Variants in MYOM2 observed in about 807,000 individuals in gnomAD.
MYOM2 encodes myomesin 2, also known as myomesin-2.
In MYOM2, 254 loss-of-function variants were observed where a neutral mutation model predicts 187.6. The observed-to-expected ratio is 1.35, with a 90% CI of 1.22 to 1.50. MYOM2 has a LOEUF of 1.50. Ranked by LOEUF, MYOM2 falls within the 40% of genes most tolerant of loss-of-function variation. MYOM2 has a pLI of 0.00. For synonymous variants in MYOM2, 981 were observed against 753.8 expected (o/e 1.30, Z -4.94); for missense variants, 2,796 against 1,924.0 (o/e 1.45, Z -8.48).
At chr8:2,099,563 C>T (rs1024776441) in intron 19 of MYOM2, among the ~76,000 whole-genome samples, 2 of 152,106 alleles carry the variant, frequency 1.3e-5, no homozygotes, top group Non-Finnish European at 2.9e-5. Context: ...TTGTTGCAGA[C>T]CTGCATTTAT....
Position 2,059,202 on chromosome 8 carries a change from A to G in MYOM2, c.610A>G (p.Arg204Gly). Residue 204 changes from arginine to glycine, a missense_variant, in exon 6 of 37, where the codon AGG (arginine) becomes GGG (glycine). Physicochemically the swap from Arg to Gly is moderately radical, Grantham distance 125. Transcript: ENST00000262113. ...CCAGGCGGCTGAACCGGGAAAGTAC[A>G]GGATTGAGAGCAACTATGGCGTACA... ...ICQAAEPGKYRIESNYGVHTL... is the reference protein window; with the variant it reads ...ICQAAEPGKYGIESNYGVHTL... 1 of 1,614,236 alleles carries G rather than the reference A, an allele frequency of 6.2e-7. No homozygotes were observed. Among genetic ancestry groups the G allele is most frequent in the Non-Finnish European group, 8.5e-7 (1 of 1,180,032 alleles).
intron 3 of MYOM2, among the ~76,000 whole-genome samples, chr8:2,055,870 C>T (rs1818647697): frequency 1.3e-5 from 2 of 152,146 alleles, no homozygotes; most frequent in Non-Finnish European, 2.9e-5. Flanking sequence ...GATACCGGGA[C>T]TTTCTGTGCG....
chr8:2,064,517 C>T (rs375492463), intron 6 of MYOM2, among the ~76,000 whole-genome samples: 13 of 57,160 alleles, frequency 2.3e-4, no homozygotes, highest in Non-Finnish European at 8.0e-5. Context: ...GCGCTCTCTT[C>T]GGAGAGCCCA....
intron 13 of MYOM2, among the ~76,000 whole-genome samples, chr8:2,084,292 C>T (rs10113500): frequency 0.26 from 39,763 of 152,064 alleles, 6,317 homozygotes; most frequent in South Asian, 0.35. Context: ...GCTCAGCCTG[C>T]GTTGCCTCTG....
chr8:2,079,937 A>T (rs1819564785), intron 13 of MYOM2, among the ~76,000 whole-genome samples: 1 of 152,196 alleles, frequency 6.6e-6, no homozygotes, highest in African/African-American at 2.4e-5. Context: ...TTCCTGGGTG[A>T]TGTAAGATCC....
intron 32 of MYOM2, among the ~76,000 whole-genome samples, 187 bp downstream of exon 32, chr8:2,129,419 G>A (rs561624622): frequency 1.3e-5 from 2 of 152,270 alleles, no homozygotes; most frequent in Non-Finnish European, 2.9e-5. Flanking sequence ...GGGAGGACGT[G>A]GAAGAAGGAG....
intron 25 of MYOM2, among the ~76,000 whole-genome samples, chr8:2,114,086 A>G (rs1357274554): frequency 6.6e-6 from 1 of 152,200 alleles, no homozygotes; most frequent in African/African-American, 2.4e-5. Context: ...GCATCAGGGA[A>G]GTCTCCCTTG....
At chr8:2,079,766 C>A (rs562831711) in intron 13 of MYOM2, among the ~76,000 whole-genome samples, 153 bp downstream of exon 13, 1 of 152,064 alleles carries the variant, frequency 6.6e-6, no homozygotes, top group East Asian at 1.9e-4. Context: ...GCCCAGTGTC[C>A]ATAGAAGTTA....
intron 3 of MYOM2, among the ~76,000 whole-genome samples, chr8:2,053,591 T>C (rs1818561358): frequency 6.6e-6 from 1 of 152,254 alleles, no homozygotes; most frequent in African/African-American, 2.4e-5. Flanking sequence ...CAGCAATGAC[T>C]TTCAAGACAG....
At chr8:2,063,089 G>C (rs1585836226) in intron 6 of MYOM2, among the ~76,000 whole-genome samples, 1 of 152,282 alleles carries the variant, frequency 6.6e-6, no homozygotes, top group East Asian at 1.9e-4. Context: ...AAACTTCCAA[G>C]ACCACCTTTT....
At position 2,140,722 on chromosome 8, in the gene MYOM2, G is replaced by T. The variant is rs1798243665; in HGVS notation, c.3801-1G>T. 4 of 1,613,362 alleles carry T rather than the reference G, an allele frequency of 2.5e-6. No individual in the cohort carries two copies. In the East Asian group the frequency reaches 8.9e-5, roughly 36 times the overall value. On this transcript the variant is annotated splice_acceptor_variant, in intron 32 of 36. Coordinates refer to ENST00000262113, the MANE Select transcript of MYOM2 (RefSeq NM_003970.4). LOFTEE classifies it high-confidence loss of function. ...GATACGTTCCTGTTGCTCTTTTCAA[G>T]AGATGCTAAGATCTCATCCAGTGAG...
intron 14 of MYOM2, among the ~76,000 whole-genome samples, chr8:2,089,159 A>C (rs1464303088): frequency 7.5e-6 from 1 of 133,640 alleles, no homozygotes; most frequent in Non-Finnish European, 1.7e-5. Flanking sequence ...TCCAACTTTT[A>C]CTACCACAAA....
intron 11 of MYOM2, 92 bp downstream of exon 11, chr8:2,076,374 G>T: frequency 1.4e-6 from 2 of 1,473,314 alleles, no homozygotes; most frequent in Middle Eastern, 2.3e-4. Context: ...AATGCAGGTT[G>T]ACGTTCCCAT....
At position 2,073,427 on chromosome 8, in the gene MYOM2, C is replaced by A. The variant is rs144735881; in HGVS notation, c.1047C>A (p.Asp349Glu). 1 of 1,612,786 alleles carries A rather than the reference C, an allele frequency of 6.2e-7. No homozygotes were observed. The highest frequency in any genetic ancestry group is 2.2e-5 in the East Asian group (1 of 44,862). The change falls in exon 10 of 37, where the codon GAC becomes GAA. Residue 349 changes from aspartate to glutamate, a missense_variant. By Grantham distance (45) the Asp-to-Glu change is conservative. Coordinates refer to ENST00000262113, the MANE Select transcript of MYOM2 (RefSeq NM_003970.4). ...SLSFSHLHKDDEGLYTLRIVS... is the reference protein window; with the variant it reads ...SLSFSHLHKDEEGLYTLRIVS... ...CCTTCAGCCACCTGCACAAGGACGACGAGGGCCTGTACACCCTGCGCATCG... is the reference window on the plus strand; with the variant it reads ...CCTTCAGCCACCTGCACAAGGACGAAGAGGGCCTGTACACCCTGCGCATCG...
At chr8:2,083,130 A>T (rs569499985) in intron 13 of MYOM2, among the ~76,000 whole-genome samples, 1 of 152,346 alleles carries the variant, frequency 6.6e-6, no homozygotes, top group South Asian at 2.1e-4. Context: ...ACAATCATAT[A>T]TATTATATAT....
At position 2,094,864 on chromosome 8, in the gene MYOM2, A is replaced by C. The variant is rs530774990; in HGVS notation, c.2125+773A>C. 1.1e-4 allele frequency among the ~76,000 whole-genome samples: 16 copies of C among 152,306 alleles called. No homozygotes were observed. The South Asian group carries it at 2.9e-3, about 28-fold the overall frequency. ...ATCAAACGAGACAATTGGGATCCTA[A>C]ATCTCAGGGACCGTCCCTAGAACAG... is the stretch of plus-strand genomic sequence containing the variant. On this transcript the variant is annotated intron_variant, in intron 17 of 36. Transcript: ENST00000262113.
At chr8:2,127,279 G>T (rs151045401) in intron 31 of MYOM2, among the ~76,000 whole-genome samples, 56 of 152,236 alleles carry the variant, frequency 3.7e-4, no homozygotes, top group Non-Finnish European at 6.5e-4. Context: ...CTGGGGAGGG[G>T]AGATGGTGGT....
chr8:2,050,937 C>G, intron 2 of MYOM2, 64 bp downstream of exon 2: 1 of 1,313,532 alleles, frequency 7.6e-7, no homozygotes. Flanking sequence ...CATTTAAAGG[C>G]TTTTCCAGTT....
chr8:2,108,467 C>G (rs1048087210), intron 23 of MYOM2, among the ~76,000 whole-genome samples: 6 of 152,086 alleles, frequency 3.9e-5, no homozygotes, highest in Non-Finnish European at 7.4e-5. Flanking sequence ...GTGCAAGGAT[C>G]TGGAAAAGAC....
Sources: gnomAD v4.1 joint callset for allele counts (sites outside exome capture counted in the v4.1 genomes callset) on GRCh38, gnomAD v4.1.1 for gene constraint, MANE v1.5 for transcripts, NCBI Gene and HGNC (gene_info 2026-07-23, HGNC 2026-07-21) for gene names.